Variants in KMT2B observed in about 807,000 individuals in gnomAD.
KMT2B encodes histone-lysine N-methyltransferase 2B.
In KMT2B, 22 loss-of-function variants were observed where a neutral mutation model predicts 255.3. The ratio of observed to expected loss-of-function variants is 0.09; its 90% CI spans 0.06 to 0.12. KMT2B has a LOEUF of 0.12. Ranked by LOEUF, KMT2B falls within the 10% of genes least tolerant of loss-of-function variation. The pLI is 1.00. For missense variants in KMT2B, 3,149 were observed against 3,737.0 expected (o/e 0.84, Z 4.10); for synonymous variants, 1,730 against 1,498.1 (o/e 1.15, Z -3.57).
chr19:35,722,208 T>C, intron 3 of KMT2B, 151 bp from the exon 4 acceptor site: 2 of 769,244 alleles, frequency 2.6e-6, no homozygotes, highest in Non-Finnish European at 4.0e-6. Flanking sequence ...TTTCACCACA[T>C]TGGCTAGGCT....
Position 35,737,020 on chromosome 19 carries a change from G to A in KMT2B, c.7372+34G>A, listed in dbSNP as rs373246233. The A allele has an allele frequency of 2.9e-5, 47 of 1,610,766 alleles. No individual in the cohort carries two copies. In the African/African-American group the frequency reaches 6.1e-4, roughly 21 times the overall value. On this transcript the variant is annotated intron_variant, in intron 32 of 36. Coordinates refer to ENST00000420124, the MANE Select transcript of KMT2B (RefSeq NM_014727.3). The surrounding 1 kb of genome is among the most constrained non-coding windows in gnomAD (Gnocchi z 5.3). ...TGGGCCCCACAGGGGGCAGGGAGCT[G>A]GATGTCTCCCCGAGGGCACCATGGG...
rs779845700 is a variant in KMT2B at position 35,731,978 on chromosome 19, G to A, written c.5508G>A (p.Ser1836=). Residue 1836 remains serine (S), a synonymous_variant, in exon 27 of 37, where the codon TCG becomes TCA. Transcript: ENST00000420124. ...VLVPGAPERH[S]PIQNLDPPLR... is the part of the protein sequence containing the mutation. ...TCCCTGGAGCTCCTGAGCGCCACTC[G>A]CCCATTCAGAACCTGGACCCTCCAC... 10 of 1,613,606 alleles carry A rather than the reference G, an allele frequency of 6.2e-6. No homozygotes were observed. Among genetic ancestry groups the A allele is most frequent in the African/African-American group, 2.7e-5 (2 of 74,872 alleles).
Position 35,729,110 on chromosome 19 carries a change from G to A in KMT2B, c.4779+34G>A, listed in dbSNP as rs542986503. The A allele has an allele frequency of 8.4e-5, 136 of 1,613,982 alleles. 1 individual carries two copies. The South Asian group carries it at 1.4e-3, about 17-fold the overall frequency. On this transcript the variant is annotated intron_variant, in intron 21 of 36. Coordinates refer to ENST00000420124, the MANE Select transcript of KMT2B (RefSeq NM_014727.3). ...TGCTCTGTGACGCACCAGGTTGTGGGGCCTGTTCCCTGGCCTCCCCACATC... is the reference window on the plus strand; with the variant it reads ...TGCTCTGTGACGCACCAGGTTGTGGAGCCTGTTCCCTGGCCTCCCCACATC...
At position 35,730,822 on chromosome 19, in the gene KMT2B, G is replaced by A. The variant is rs1969660924; in HGVS notation, c.5392G>A (p.Ala1798Thr). 4 of 1,613,212 alleles carry A rather than the reference G, an allele frequency of 2.5e-6. No homozygotes were observed. Among genetic ancestry groups the A allele is most frequent in the Non-Finnish European group, 3.4e-6 (4 of 1,179,626 alleles). The change falls in exon 26 of 37, where the codon GCA becomes ACA. Residue 1798 changes from alanine to threonine, a missense_variant. Physicochemically the swap from Ala to Thr is moderately conservative, Grantham distance 58. Around this residue, in one of 18 missense-constraint regions of KMT2B, gnomAD observed 34 missense variants for 51.6 expected, o/e 0.66. Transcript: ENST00000420124. ...GGAAGAGCCAGCTCACCTGGAGGCT[G>A]CAGAGGAGAACCAGACCATTGTGCA... ...PREEPAHLEA[A>T]EENQTIVHSP...
rs1053301803 is a variant in KMT2B, at chr19:35,719,922, C to T, written c.575C>T (p.Ala192Val). 1 of 1,613,448 alleles carries T rather than the reference C, an allele frequency of 6.2e-7. No individual in the cohort carries two copies. Among genetic ancestry groups the T allele is most frequent in the African/African-American group, 1.3e-5 (1 of 75,048 alleles). The change falls in exon 3 of 37, where the codon GCA (alanine) becomes GTA (valine). Residue 192 changes from alanine to valine, a missense_variant. Physicochemically the swap from Ala to Val is moderately conservative, Grantham distance 64 (BLOSUM62 0). Around this residue, in one of 18 missense-constraint regions of KMT2B, gnomAD observed 1,188 missense variants for 1,106.4 expected, o/e 1.07. Transcript: ENST00000420124. ...GEEGTERMVQ[A>V]LTELLRRAQA... ...GAAGGCACAGAACGGATGGTGCAGG[C>T]ACTGACTGAACTTCTCCGGCGGGCC... is the stretch of plus-strand genomic sequence containing the variant.
intron 22 of KMT2B, among the ~76,000 whole-genome samples, chr19:35,729,705 T>C (rs1969613528): frequency 6.6e-6 from 1 of 152,008 alleles, no homozygotes; most frequent in Non-Finnish European, 1.5e-5. Flanking sequence ...TCTGTGAGGA[T>C]GAAAATAACA....
At position 35,732,991 on chromosome 19, in the gene KMT2B, C is replaced by T. The variant is rs1362756558; in HGVS notation, c.6442C>T (p.Pro2148Ser). ...GCCTCCCCTGGCTAATGGCAGCCAG[C>T]CCTCCCAAGGCCTGACCGCCAGCCC... ...PAPPLANGSQ[P>S]SQGLTASPAD... Residue 2148 changes from proline (P) to serine (S), a missense_variant, in exon 28 of 37, where the codon CCC becomes TCC. Pro to Ser is a moderately conservative substitution (Grantham distance 74, BLOSUM62 -1). Around this residue, in one of 18 missense-constraint regions of KMT2B, gnomAD observed 897 missense variants for 825.3 expected, o/e 1.09. Coordinates refer to ENST00000420124, the MANE Select transcript of KMT2B (RefSeq NM_014727.3). 2 of 1,600,038 alleles carry T rather than the reference C, an allele frequency of 1.2e-6. No individual in the cohort carries two copies. Among genetic ancestry groups the T allele is most frequent in the Non-Finnish European group, 1.7e-6 (2 of 1,174,094 alleles).
chr19:35,737,867 C>G lies in KMT2B; in HGVS notation c.7667C>G (p.Thr2556Ser). The change falls in exon 35 of 37, where the codon ACC becomes AGC. Residue 2556 changes from threonine (T) to serine (S), a missense_variant. Physicochemically the swap from Thr to Ser is moderately conservative, Grantham distance 58 (BLOSUM62 1). This residue lies in a region of KMT2B where 103 missense variants were observed against 200.7 expected (regional missense o/e 0.51). Transcript: ENST00000420124. This position sits in a 1 kb window ranked among gnomAD's most constrained non-coding sequence, Gnocchi z 5.3. ...EVQLRSTRRA[T>S]SLELPMAMRF... Reference sequence around the variant, plus strand: ...CTGCTGTCCCTCACCAGACGTGCCACCAGCCTGGAGCTGCCCATGGCCATG... The same window carrying G: ...CTGCTGTCCCTCACCAGACGTGCCAGCAGCCTGGAGCTGCCCATGGCCATG... 1.3e-6 allele frequency: 2 copies of G among 1,572,296 alleles called. No homozygotes were observed.
At position 35,728,883 on chromosome 19, in the gene KMT2B, T is replaced by C. The variant is rs747685232; in HGVS notation, c.4681T>C (p.Ser1561Pro). Residue 1561 changes from serine (S) to proline (P), a missense_variant, in exon 20 of 37, where the codon TCA (serine) becomes CCA (proline). This residue lies in a region of KMT2B where 377 missense variants were observed against 471.0 expected (regional missense o/e 0.80). Coordinates refer to ENST00000420124, the MANE Select transcript of KMT2B (RefSeq NM_014727.3). The stretch of plus-strand genomic sequence containing the variant: ...ATCAGGGCAGCCTCCAGGGGATCCC[T>C]CAGCAGGTACTGGGAAGTGGGGGTC... ...PESGQPPGDP[S>P]AAFQGKDPAA... The C allele has an allele frequency of 1.9e-6, 3 of 1,613,734 alleles. No homozygotes were observed. Among genetic ancestry groups the C allele is most frequent in the South Asian group, 2.2e-5 (2 of 91,078 alleles).
chr19:35,737,676 C>T lies in KMT2B; in HGVS notation c.7591C>T (p.His2531Tyr). ...FDMFNFLASQ[H>Y]RVLPEGATCD... is the part of the protein sequence containing the mutation. ...CATGTTCAACTTCCTGGCCTCCCAG[C>T]ACCGGGTGCTCCCTGAGGGGGCCAC... Residue 2531 changes from histidine to tyrosine, a missense_variant, in exon 34 of 37, where the codon CAC (histidine) becomes TAC (tyrosine). This residue lies in a region of KMT2B where 103 missense variants were observed against 200.7 expected (regional missense o/e 0.51). Transcript: ENST00000420124. The surrounding 1 kb of genome is among the most constrained non-coding windows in gnomAD (Gnocchi z 5.3). 1 of 1,577,006 alleles carries T rather than the reference C, an allele frequency of 6.3e-7. No individual in the cohort carries two copies. The highest frequency in any genetic ancestry group is 8.6e-7 in the Non-Finnish European group (1 of 1,160,892).
At position 35,736,995 on chromosome 19, in the gene KMT2B, TG is replaced by T. The variant is rs763386790; in HGVS notation, c.7372+12del. 4.1e-5 allele frequency: 66 copies of T among 1,612,482 alleles called. No homozygotes were observed. Among genetic ancestry groups the T allele is most frequent in the Admixed American group, 8.4e-5 (5 of 59,776 alleles). ...ACATCTCTCCTTTAGTGGTAAGGAG[TG>T]GGCCCCACAGGGGGCAGGGAGCTGG... On this transcript the variant is annotated intron_variant, in intron 32 of 36. Transcript: ENST00000420124.
Position 35,732,098 on chromosome 19 carries a change from C to G in KMT2B, c.5628C>G (p.Pro1876=). The change falls in exon 27 of 37, where the codon CCC becomes CCG. Residue 1876 remains proline, a synonymous_variant. Transcript: ENST00000420124. ...CCAACTACTCGCCATCCCGGAGGCC[C>G]TTGGGGGGTGTCTCCTTTGGCCCCC... ...KVPNYSPSRR[P]LGGVSFGPLP... The G allele has an allele frequency of 1.9e-6, 3 of 1,604,456 alleles. No homozygotes were observed. Among genetic ancestry groups the G allele is most frequent in the Non-Finnish European group, 2.6e-6 (3 of 1,175,802 alleles).
At position 35,733,767 on chromosome 19, in the gene KMT2B, C is replaced by T; in HGVS notation, c.7054C>T (p.Leu2352Phe). The change falls in exon 30 of 37, where the codon CTC (leucine) becomes TTC (phenylalanine). Residue 2352 changes from leucine (L) to phenylalanine (F), a missense_variant. Transcript: ENST00000420124. This position sits in a 1 kb window ranked among gnomAD's most constrained non-coding sequence, Gnocchi z 4.3. ...EPAGEESPGP[L>F]QERSPLLPLP... ...CTGACAGGTCTCTTCTCGCAGGCCC[C>T]TCCAGGAACGGTCCCCTTTGCTGCC... The T allele has an allele frequency of 1.2e-6, 2 of 1,613,352 alleles. No individual in the cohort carries two copies. The highest frequency in any genetic ancestry group is 1.1e-5 in the South Asian group (1 of 91,032).
Position 35,723,660 on chromosome 19 carries a change from T to C in KMT2B, c.3059-72T>C, listed in dbSNP as rs1969308026. On this transcript the variant is annotated intron_variant, in intron 7 of 36. Transcript: ENST00000420124. This position sits in a 1 kb window ranked among gnomAD's most constrained non-coding sequence, Gnocchi z 7.5. ...CTGCGTTCATTCCCTGCCCCGCTTCTTTCTGGCTTCTCTCCCAGTGTCCCA... is the reference window on the plus strand; with the variant it reads ...CTGCGTTCATTCCCTGCCCCGCTTCCTTCTGGCTTCTCTCCCAGTGTCCCA... 1 of 1,402,450 alleles carries C rather than the reference T, an allele frequency of 7.1e-7. No individual in the cohort carries two copies. Among genetic ancestry groups the C allele is most frequent in the Non-Finnish European group, 9.6e-7 (1 of 1,038,336 alleles). The allele number at this position is 1,402,450 out of a possible 1,614,324, so 86.9% of individuals were successfully genotyped here.
chr19:35,722,328 C>T, intron 3 of KMT2B, 31 bp from the exon 4 acceptor site: 1 of 1,573,416 alleles, frequency 6.4e-7, no homozygotes, highest in Non-Finnish European at 8.6e-7. Context: ...TCCTCACTGT[C>T]CAGCCCCTGA....
chr19:35,720,960 G>A lies in KMT2B; in HGVS notation c.1613G>A (p.Arg538His). 4 of 1,611,860 alleles carry A rather than the reference G, an allele frequency of 2.5e-6. No individual in the cohort carries two copies. Among genetic ancestry groups the A allele is most frequent in the Non-Finnish European group, 2.5e-6 (3 of 1,179,254 alleles). ...CCTGTGGTGAGTGCCCGCTCCTCCC[G>A]TGTCATCAAGACACCCCGGCGATTT... ...IMPVVSARSSRVIKTPRRFMD... is the reference protein window; with the variant it reads ...IMPVVSARSSHVIKTPRRFMD... Residue 538 changes from arginine to histidine, a missense_variant, in exon 3 of 37, where the codon CGT becomes CAT. Around this residue, in one of 18 missense-constraint regions of KMT2B, gnomAD observed 1,188 missense variants for 1,106.4 expected, o/e 1.07. Coordinates refer to ENST00000420124, the MANE Select transcript of KMT2B (RefSeq NM_014727.3).
chr19:35,719,586 A>G (rs768877576), intron 2 of KMT2B, 45 bp downstream of exon 2: 2 of 1,552,972 alleles, frequency 1.3e-6, no homozygotes, highest in South Asian at 1.2e-5. Context: ...ACAGGAATTT[A>G]TCCTCGCCCT....
rs756142195 is a variant in KMT2B at position 35,723,034 on chromosome 19, G to A, written c.2762G>A (p.Arg921Gln). The A allele has an allele frequency of 1.4e-5, 23 of 1,611,060 alleles. No homozygotes were observed. The highest frequency in any genetic ancestry group is 2.2e-5 in the East Asian group (1 of 44,828). The change falls in exon 6 of 37, where the codon CGG (arginine) becomes CAG (glutamine). Residue 921 changes from arginine to glutamine, a missense_variant. Coordinates refer to ENST00000420124, the MANE Select transcript of KMT2B (RefSeq NM_014727.3). This position sits in a 1 kb window ranked among gnomAD's most constrained non-coding sequence, Gnocchi z 7.5. Reference sequence around the variant, plus strand: ...TCCGAGACTGAGAGTGTCCCGTCACGGTCCCGGCGGGGAAAGGTGGAGGCA... The same window carrying A: ...TCCGAGACTGAGAGTGTCCCGTCACAGTCCCGGCGGGGAAAGGTGGAGGCA... ...SASETESVPS[R>Q]SRRGKVEAAG...
chr19:35,726,731 C>G (rs1455557021), intron 14 of KMT2B, among the ~76,000 whole-genome samples: 3 of 152,150 alleles, frequency 2.0e-5, no homozygotes, highest in Non-Finnish European at 4.4e-5. Context: ...CGCCTGTAAT[C>G]CTAACACTTT....
Sources: gnomAD v4.1 joint callset for allele counts (sites outside exome capture counted in the v4.1 genomes callset) on GRCh38, gnomAD v4.1.1 for gene constraint, gnomAD v4.1.1 regional missense constraint, Gnocchi (gnomAD v3.1) non-coding constraint, MANE v1.5 for transcripts, NCBI Gene and HGNC (gene_info 2026-07-23, HGNC 2026-07-21) for gene names.